The following PCDHA2 variants were observed in gnomAD, a reference collection of about 807,000 sequenced individuals.
The protein encoded by PCDHA2 is protocadherin alpha 2, also known as protocadherin alpha-2.
In PCDHA2, 58 loss-of-function variants were observed where a neutral mutation model predicts 66.0. The observed-to-expected ratio is 0.88, with a 90% CI of 0.71 to 1.09. PCDHA2 has a LOEUF of 1.09. PCDHA2 is among the 50% of genes least tolerant of loss of function. The probability of loss-of-function intolerance (pLI) is 0.00; values close to 1 mark genes in which losing one functional copy is unlikely to be tolerated. For missense variants in PCDHA2, 1,267 were observed against 1,242.3 expected (o/e 1.02, Z -0.30); for synonymous variants, 634 against 554.0 (o/e 1.14, Z -2.03).
chr5:140,913,463 G>C (rs1230048611), intron 1 of PCDHA2, among the ~76,000 whole-genome samples: 4 of 151,500 alleles, frequency 2.6e-5, no homozygotes, highest in African/African-American at 2.4e-5. Flanking sequence ...TATTTACTTG[G>C]GTCTTCTCTC....
At position 140,795,257 on chromosome 5, in the gene PCDHA2, G is replaced by A. The variant is rs1761937020; in HGVS notation, c.293G>A (p.Arg98Gln). The A allele has an allele frequency of 6.2e-7, 1 of 1,614,164 alleles. No individual in the cohort carries two copies. The highest frequency in any genetic ancestry group is 8.5e-7 in the Non-Finnish European group (1 of 1,180,060). ...ATCGACCGGGAGGAGCTGTGCGGGC[G>A]GAGCGCGGAATGTAGCATCCACGTG... ...SRIDREELCG[R>Q]SAECSIHVEV... The change falls in exon 1 of 4, where the codon CGG becomes CAG. Residue 98 changes from arginine to glutamine, a missense_variant. Transcript: ENST00000526136.
At position 140,842,583 on chromosome 5, in the gene PCDHA2, A is replaced by G. The variant is rs2150339895; in HGVS notation, c.2388+45231A>G. ...CTGGACCGCGAGAGAGTGTCGGCCT[A>G]TGAGTTGGTGGTAACCGCGCGGGAC... On this transcript the variant is annotated intron_variant, in intron 1 of 3. Transcript: ENST00000526136. The G allele has an allele frequency of 3.9e-5, 59 of 1,520,170 alleles. 7 individuals are homozygous for G. The highest frequency in any genetic ancestry group is 5.2e-5 in the Non-Finnish European group (58 of 1,118,060). The allele number at this position is 1,520,170 out of a possible 1,614,324, so 94.2% of individuals were successfully genotyped here.
At chr5:140,877,153 A>C in intron 1 of PCDHA2, 1 of 1,613,798 alleles carries the variant, frequency 6.2e-7, no homozygotes, top group Non-Finnish European at 8.5e-7. Flanking sequence ...CGAGAACGAC[A>C]ACGCGCCGGC....
In PCDHA2 at chr5:140,967,672, C is replaced by G. The variant is rs781956405; in HGVS notation, c.2389-11277C>G. 36 of 1,614,182 alleles carry G rather than the reference C, an allele frequency of 2.2e-5. No individual in the cohort carries two copies. The South Asian group carries it at 3.8e-4, about 17-fold the overall frequency. ...ACTCCTTGAGCAGCTACACGTCGGACCGGGAGAGGCAGCTCTTCAGCATAG... is the reference window on the plus strand; with the variant it reads ...ACTCCTTGAGCAGCTACACGTCGGAGCGGGAGAGGCAGCTCTTCAGCATAG... On this transcript the variant is annotated intron_variant, in intron 1 of 3. Transcript: ENST00000526136.
intron 1 of PCDHA2, among the ~76,000 whole-genome samples, chr5:140,900,525 C>A (rs1322679465): frequency 6.6e-6 from 1 of 152,232 alleles, no homozygotes; most frequent in East Asian, 1.9e-4. Context: ...GATCTGCCCA[C>A]CTCGGCTTTC....
intron 1 of PCDHA2, chr5:140,830,007 A>T: frequency 6.2e-7 from 1 of 1,613,948 alleles, no homozygotes; most frequent in Non-Finnish European, 8.5e-7. Context: ...GTCCTGGACG[A>T]AGCGGACTCT....
rs150962684 is a variant in PCDHA2, at chr5:140,829,379, G to C, written c.2388+32027G>C. 448 of 1,614,186 alleles carry C rather than the reference G, an allele frequency of 2.8e-4. 2 individuals carry two copies. The African/African-American group carries it at 5.6e-3, about 20-fold the overall frequency. On this transcript the variant is annotated intron_variant, in intron 1 of 3. Transcript: ENST00000526136. ...TGAGTTGGTGGTAACCGCGCGGGACGGGGGCTCGCCTTCGCTGTGGGCCAC... is the reference window on the plus strand; with the variant it reads ...TGAGTTGGTGGTAACCGCGCGGGACCGGGGCTCGCCTTCGCTGTGGGCCAC...
intron 1 of PCDHA2, among the ~76,000 whole-genome samples, chr5:140,887,101 C>CTT (rs200717289): frequency 4.1e-5 from 6 of 145,304 alleles, no homozygotes; most frequent in African/African-American, 1.0e-4. Context: ...ATCTTTATCT[C>CTT]TTTTTTTTTT....
At chr5:140,991,247 T>C (rs1211585397) in intron 3 of PCDHA2, among the ~76,000 whole-genome samples, 1 of 152,200 alleles carries the variant, frequency 6.6e-6, no homozygotes, top group Non-Finnish European at 1.5e-5. Flanking sequence ...AAAGGCAGTA[T>C]TTGAACTCAT....
In PCDHA2 at chr5:140,900,301, C is replaced by CAG. The variant is rs1168626144; in HGVS notation, c.2389-78647_2389-78646dup. Among the ~76,000 whole-genome samples the CAG allele has an allele frequency of 1.4e-4, 22 of 152,156 alleles. No homozygotes were observed. The East Asian group carries it at 4.1e-3, about 28-fold the overall frequency. On this transcript the variant is annotated intron_variant, in intron 1 of 3. Coordinates refer to ENST00000526136, the MANE Select transcript of PCDHA2 (RefSeq NM_018905.3). ...ACACTTTCTTTTCTGTTTTTTTAGACAGTCTCACTTTTGTCGCCCAGGCTG... is the reference window on the plus strand; with the variant it reads ...ACACTTTCTTTTCTGTTTTTTTAGACAGAGTCTCACTTTTGTCGCCCAGGCTG...
intron 1 of PCDHA2, among the ~76,000 whole-genome samples, chr5:140,934,505 G>C (rs155823): frequency 0.32 from 48,260 of 151,744 alleles, 8,006 homozygotes; most frequent in East Asian, 0.53. Flanking sequence ...ACACCCAAAG[G>C]GTCCATAGAC....
intron 1 of PCDHA2, chr5:140,851,772 A>G (rs1236960091): frequency 1.0e-6 from 1 of 968,722 alleles, no homozygotes; most frequent in Non-Finnish European, 1.2e-6. Context: ...ACCCTTATGA[A>G]TTTAGATGAG....
intron 1 of PCDHA2, chr5:140,848,611 C>A (rs2150414621): frequency 6.3e-7 from 1 of 1,593,572 alleles, no homozygotes; most frequent in African/African-American, 1.3e-5. Flanking sequence ...CCGGAGGAAG[C>A]CGAACACGGC....
intron 3 of PCDHA2, among the ~76,000 whole-genome samples, chr5:141,006,271 G>T (rs2098264486): frequency 6.6e-6 from 1 of 151,918 alleles, no homozygotes; most frequent in Non-Finnish European, 1.5e-5. Context: ...GACTGCAGTG[G>T]CACGATCTCA....
At chr5:140,884,435 T>C (rs1554181555) in intron 1 of PCDHA2, 1 of 1,613,872 alleles carries the variant, frequency 6.2e-7, no homozygotes, top group East Asian at 2.2e-5. Flanking sequence ...TGCGCTGCGG[T>C]GCTCGGCACC....
chr5:140,897,199 A>G (rs760377746), intron 1 of PCDHA2, among the ~76,000 whole-genome samples: 1 of 152,030 alleles, frequency 6.6e-6, no homozygotes, highest in Admixed American at 6.6e-5. Flanking sequence ...TTTTTTTATT[A>G]TACTTTAAGT....
Position 140,795,693 on chromosome 5 carries a change from CCAAT to C in PCDHA2, c.732_735del (p.Ser245PhefsTer4). 1.9e-6 allele frequency: 3 copies of C among 1,614,038 alleles called. No individual in the cohort carries two copies. The highest frequency in any genetic ancestry group is 2.5e-6 in the Non-Finnish European group (3 of 1,179,986). On this transcript the variant is annotated frameshift_variant, in exon 1 of 4. Transcript: ENST00000526136. LOFTEE classifies it high-confidence loss of function. ...TAAATGACAATGAACCAACTTTTGC[CCAAT>C]CAGTTTACAAAGTAAAATTGTTAGA...
In PCDHA2 at chr5:140,969,463, C is replaced by G. The variant is rs549074334; in HGVS notation, c.2389-9486C>G. ...CTGGTAAACTGAGTATATATAGTAT[C>G]CACAATTTGATCATAATCTGCTATT... On this transcript the variant is annotated intron_variant, in intron 1 of 3. Coordinates refer to ENST00000526136, the MANE Select transcript of PCDHA2 (RefSeq NM_018905.3). 74 of 1,491,016 alleles carry G rather than the reference C, an allele frequency of 5.0e-5. No homozygotes were observed. In the South Asian group the frequency reaches 6.0e-4, roughly 12 times the overall value. The allele number at this position is 1,491,016 out of a possible 1,614,324, so 92.4% of individuals were successfully genotyped here.
intron 1 of PCDHA2, chr5:140,836,486 C>T: frequency 6.2e-7 from 1 of 1,613,874 alleles, no homozygotes; most frequent in Non-Finnish European, 8.5e-7. Context: ...TGTACCTGAT[C>T]ATCGCCATCT....
Sources: allele counts gnomAD v4.1 joint callset (sites outside exome capture counted in the v4.1 genomes callset), GRCh38; gene constraint gnomAD v4.1.1; transcripts MANE v1.5; gene names NCBI Gene and HGNC (gene_info 2026-07-23, HGNC 2026-07-21).